The following LRP2BP variants were observed in gnomAD, a reference collection of about 807,000 sequenced individuals.
LRP2BP encodes LRP2-binding protein.
In LRP2BP, 38 loss-of-function variants were observed where a neutral mutation model predicts 45.2. The observed-to-expected ratio is 0.84, with a 90% CI of 0.65 to 1.10. The LOEUF (loss-of-function observed/expected upper bound fraction) is 1.10. LRP2BP is among the 50% of genes least tolerant of loss of function. The probability of loss-of-function intolerance (pLI) is 0.00; values close to 1 mark genes in which losing one functional copy is unlikely to be tolerated. For synonymous variants in LRP2BP, 153 were observed against 153.9 expected (o/e 0.99, Z 0.04); for missense variants, 385 against 418.9 (o/e 0.92, Z 0.71).
At position 185,364,639 on chromosome 4, in the gene LRP2BP, C is replaced by T. The variant is rs2126766848; in HGVS notation, c.*2541G>A. On this transcript the variant is annotated 3_prime_UTR_variant, in exon 9 of 9. Coordinates refer to ENST00000505916, the MANE Select transcript of LRP2BP (RefSeq NM_001377440.1). Reference sequence around the variant, plus strand: ...AAAAATTAGTAAACCAAATGTTATCCTTAAGATTTTTTTAGTTATAGCTTT... The same window carrying T: ...AAAAATTAGTAAACCAAATGTTATCTTTAAGATTTTTTTAGTTATAGCTTT... The T allele has an allele frequency of 6.6e-6, 1 of 152,066 alleles. No homozygotes were observed. Among genetic ancestry groups the T allele is most frequent in the South Asian group, 2.1e-4 (1 of 4,816 alleles). 9.4% of individuals were successfully genotyped at this position (152,066 alleles called of 1,614,324 possible).
intron 7 of LRP2BP, among the ~76,000 whole-genome samples, chr4:185,372,436 G>T (rs896471798): frequency 6.6e-6 from 1 of 152,190 alleles, no homozygotes; most frequent in Non-Finnish European, 1.5e-5. Context: ...CATTTCAAGT[G>T]CTCAATAGCT....
chr4:185,370,314 C>A, intron 8 of LRP2BP: 1 of 247,194 alleles, frequency 4.0e-6, no homozygotes, highest in East Asian at 8.6e-5. Flanking sequence ...CTAGAATGAA[C>A]GTATACATTC....
chr4:185,370,048 A>C, intron 8 of LRP2BP: 1 of 177,162 alleles, frequency 5.6e-6, no homozygotes, highest in South Asian at 1.2e-4. Context: ...TTTTAAAAAA[A>C]ATCTAAACTT....
At chr4:185,374,103 T>A in intron 6 of LRP2BP, 32 bp downstream of exon 6, 1 of 1,547,364 alleles carries the variant, frequency 6.5e-7, no homozygotes, top group Non-Finnish European at 8.9e-7. Context: ...AATCTAAATA[T>A]AACACTAGCA....
Position 185,374,445 on chromosome 4 carries a change from T to C in LRP2BP, c.347A>G (p.Tyr116Cys), listed in dbSNP as rs1194376200. The C allele has an allele frequency of 6.2e-6, 10 of 1,613,768 alleles. No homozygotes were observed. Among genetic ancestry groups the C allele is most frequent in the Admixed American group, 1.7e-5 (1 of 59,970 alleles). The change falls in exon 5 of 9, where the codon TAT becomes TGT. Residue 116 changes from tyrosine to cysteine, a missense_variant. Physicochemically the swap from Tyr to Cys is radical, Grantham distance 194. Transcript: ENST00000505916. ...TTLDAEKGVD[Y>C]MKKILDSPCP... ...TGGAGAATCAAGAATTTTCTTCATA[T>C]AGTCCACCCCTTTCTCCTTCGACAA...
At chr4:185,396,677 T>C (rs1178214418), upstream of LRP2BP, 26 of 521,586 alleles carry the variant, frequency 5.0e-5, no homozygotes, top group South Asian at 4.0e-4. Context: ...GGCGCCGGGC[T>C]CCACGTGCCA....
intron 1 of LRP2BP, chr4:185,390,500 CAG>C (rs1356334551): frequency 7.2e-6 from 1 of 139,114 alleles, no homozygotes; most frequent in South Asian, 2.3e-4. Flanking sequence ...GCCTGGGTGA[CAG>C]AGCAAGATTC....
chr4:185,389,610 T>C (rs1561094123), intron 1 of LRP2BP, among the ~76,000 whole-genome samples: 1 of 24,414 alleles, frequency 4.1e-5, no homozygotes, highest in East Asian at 1.1e-3. Context: ...GCACTTTAAA[T>C]GACCTTCACT....
chr4:185,369,248 T>TTGA (rs2095406099), intron 8 of LRP2BP, among the ~76,000 whole-genome samples: 1 of 128,088 alleles, frequency 7.8e-6, no homozygotes, highest in Admixed American at 8.0e-5. Context: ...TTTTTTTTTT[T>TTGA]GAGACAGAGT....
upstream of LRP2BP, chr4:185,397,213 A>C (rs769077794): frequency 7.4e-6 from 12 of 1,613,984 alleles, no homozygotes; most frequent in Middle Eastern, 1.7e-4. Flanking sequence ...GGATCCCTGC[A>C]AGCAGTCGCC....
intron 2 of LRP2BP, 94 bp from the exon 3 acceptor site, chr4:185,377,112 G>T: frequency 1.1e-6 from 1 of 905,752 alleles, no homozygotes; most frequent in Non-Finnish European, 1.8e-6. Context: ...TAACACTGTT[G>T]ACATTCTTGC....
intron 1 of LRP2BP, among the ~76,000 whole-genome samples, chr4:185,384,116 G>A (rs987122094): frequency 2.6e-5 from 4 of 152,140 alleles, no homozygotes; most frequent in Admixed American, 2.6e-4. Flanking sequence ...GTATTAAGAG[G>A]TGGAGCCCTG....
upstream of LRP2BP, chr4:185,396,672 C>T (rs887858444): frequency 3.8e-6 from 2 of 519,886 alleles, no homozygotes; most frequent in Non-Finnish European, 6.8e-6. Flanking sequence ...CCCCCGGCGC[C>T]GGGCTCCACG....
chr4:185,378,182 T>C lies in LRP2BP; in HGVS notation c.5A>G (p.Lys2Arg). The C allele has an allele frequency of 6.2e-7, 1 of 1,613,900 alleles. No individual in the cohort carries two copies. The highest frequency in any genetic ancestry group is 8.5e-7 in the Non-Finnish European group (1 of 1,179,944). Residue 2 changes from lysine to arginine, a missense_variant, in exon 2 of 9, where the codon AAG (lysine) becomes AGG (arginine). Physicochemically the swap from Lys to Arg is conservative, Grantham distance 26. Transcript: ENST00000505916. Reference sequence around the variant, plus strand: ...CTTGGGCAACTTTTCACTGGTCAACTTCATCCTTTTTCTGCAATGTGTATT... The same window carrying C: ...CTTGGGCAACTTTTCACTGGTCAACCTCATCCTTTTTCTGCAATGTGTATT... M[K>R]LTSEKLPKNP...
rs1561079645 is a variant in LRP2BP at position 185,374,237 on chromosome 4, C to T, written c.477G>A (p.Leu159=). The T allele has an allele frequency of 6.2e-7, 1 of 1,614,174 alleles. No individual in the cohort carries two copies. The highest frequency in any genetic ancestry group is 2.2e-5 in the East Asian group (1 of 44,880). Residue 159 remains leucine (L), a synonymous_variant, in exon 6 of 9, where the codon CTG becomes CTA. Coordinates refer to ENST00000505916, the MANE Select transcript of LRP2BP (RefSeq NM_001377440.1). ...TTCCATTGTCTGCTGCGATAAGCCA[C>T]AGTCTACAAGAGAAAGTGAGGCATG... The part of the protein sequence containing the change: ...VKRSNEEAER[L]WLIAADNGNP...
At chr4:185,373,671 T>C (rs3797028) in intron 6 of LRP2BP, among the ~76,000 whole-genome samples, 11,753 of 152,198 alleles carry the variant, frequency 0.077, 637 homozygotes, top group African/African-American at 0.15. Context: ...CTCTCACAAG[T>C]AGGACTCAGC....
At chr4:185,392,926 G>A (rs1223216995) in intron 1 of LRP2BP, among the ~76,000 whole-genome samples, 1 of 152,124 alleles carries the variant, frequency 6.6e-6, no homozygotes, top group Admixed American at 6.5e-5. Flanking sequence ...GCCAGCTACT[G>A]GGATTTTTAG....
chr4:185,391,504 A>T (rs1187649333), intron 1 of LRP2BP, among the ~76,000 whole-genome samples: 1 of 152,070 alleles, frequency 6.6e-6, no homozygotes, highest in Non-Finnish European at 1.5e-5. Context: ...CCCATCTCCC[A>T]TTTATTTATT....
chr4:185,381,282 T>C (rs2126821787), intron 1 of LRP2BP, among the ~76,000 whole-genome samples: 1 of 152,366 alleles, frequency 6.6e-6, no homozygotes, highest in East Asian at 1.9e-4. Flanking sequence ...TTCATATTGT[T>C]GTATTACATT....
Sources: gnomAD v4.1 joint callset for allele counts (sites outside exome capture counted in the v4.1 genomes callset) on GRCh38, gnomAD v4.1.1 for gene constraint, MANE v1.5 for transcripts, NCBI Gene and HGNC (gene_info 2026-07-23, HGNC 2026-07-21) for gene names.